Variants in HNRNPC observed in about 807,000 individuals in gnomAD.
The protein encoded by HNRNPC is heterogeneous nuclear ribonucleoproteins C1/C2.
In HNRNPC, 3 loss-of-function variants were observed where a neutral mutation model predicts 33.2. That is an observed-to-expected ratio of 0.09 (90% confidence interval 0.04 to 0.23). The LOEUF is 0.23. Ranked by LOEUF, HNRNPC falls within the 10% of genes least tolerant of loss-of-function variation. The probability of loss-of-function intolerance (pLI) is 1.00; values close to 1 mark genes in which losing one functional copy is unlikely to be tolerated. For synonymous variants in HNRNPC, 121 were observed against 126.7 expected, an observed-to-expected ratio of 0.96 and a Z score of 0.30; for missense variants, 143 against 366.7, an observed-to-expected ratio of 0.39 and a Z score of 4.98.
chr14:21,247,125 A>T (rs941696169), intron 2 of HNRNPC, among the ~76,000 whole-genome samples: 1 of 152,316 alleles, frequency 6.6e-6, no homozygotes, highest in Middle Eastern at 3.4e-3. Flanking sequence ...GTTAAGGGTC[A>T]ACTGTAAATA....
chr14:21,236,177 G>GA (rs758618669), intron 2 of HNRNPC, among the ~76,000 whole-genome samples: 5 of 152,042 alleles, frequency 3.3e-5, no homozygotes, highest in Non-Finnish European at 5.9e-5. Context: ...ATCCACAAAG[G>GA]AAAAACTCAG....
At chr14:21,250,472 G>C (rs1297178635) in intron 2 of HNRNPC, among the ~76,000 whole-genome samples, 1 of 152,032 alleles carries the variant, frequency 6.6e-6, no homozygotes, top group Non-Finnish European at 1.5e-5. Flanking sequence ...TGATTCACAA[G>C]GTATTTTGAA....
At chr14:21,216,529 G>A (rs548000526) in intron 5 of HNRNPC, among the ~76,000 whole-genome samples, 2 of 152,290 alleles carry the variant, frequency 1.3e-5, no homozygotes, top group African/African-American at 4.8e-5. Context: ...CCAACATGGT[G>A]AAACCCAGTG....
intron 5 of HNRNPC, among the ~76,000 whole-genome samples, chr14:21,214,239 G>T (rs1294307155): frequency 1.3e-5 from 2 of 152,126 alleles, no homozygotes; most frequent in East Asian, 3.8e-4. Flanking sequence ...TGATAGTCAA[G>T]AACTTTAAAA....
intron 5 of HNRNPC, among the ~76,000 whole-genome samples, chr14:21,229,650 C>T (rs1268521596): frequency 6.6e-6 from 1 of 152,294 alleles, no homozygotes; most frequent in Admixed American, 6.5e-5. Flanking sequence ...TCCTTTACAA[C>T]TCCCATGCAT....
At chr14:21,230,731 T>TA in intron 4 of HNRNPC, 1 of 506,054 alleles carries the variant, frequency 2.0e-6, no homozygotes, top group Non-Finnish European at 3.5e-6. Context: ...GGTTATGCTA[T>TA]AAATATCAAA....
At position 21,233,918 on chromosome 14, in the gene HNRNPC, C is replaced by A. The variant is rs200061111; in HGVS notation, c.241+35G>T. Reference sequence around the variant, plus strand: ...AAAAACGTGAATAGAAAAACTCAGGCCTGAATTACATCATCAATGAAAAAA... The same window carrying A: ...AAAAACGTGAATAGAAAAACTCAGGACTGAATTACATCATCAATGAAAAAA... On this transcript the variant is annotated intron_variant, in intron 3 of 8. Transcript: ENST00000553300. 3.1e-6 allele frequency: 5 copies of A among 1,601,492 alleles called. No individual in the cohort carries two copies. The East Asian group carries it at 8.9e-5, about 29-fold the overall frequency.
At chr14:21,224,316 T>C (rs1369810146) in intron 5 of HNRNPC, among the ~76,000 whole-genome samples, 1 of 152,196 alleles carries the variant, frequency 6.6e-6, no homozygotes, top group Non-Finnish European at 1.5e-5. Flanking sequence ...TGAATTTCAA[T>C]GGTTTCATTT....
intron 2 of HNRNPC, among the ~76,000 whole-genome samples, chr14:21,258,931 G>A (rs1438704218): frequency 6.6e-6 from 1 of 151,954 alleles, no homozygotes; most frequent in African/African-American, 2.4e-5. Context: ...TGCCCTACTT[G>A]CCCTCTTAGT....
At chr14:21,235,121 T>C (rs1389825808) in intron 2 of HNRNPC, among the ~76,000 whole-genome samples, 1 of 152,224 alleles carries the variant, frequency 6.6e-6, no homozygotes, top group African/African-American at 2.4e-5. Context: ...ACCATAACCA[T>C]ATGCAGATTC....
chr14:21,249,135 C>A (rs1315213007), intron 2 of HNRNPC, among the ~76,000 whole-genome samples: 1 of 152,072 alleles, frequency 6.6e-6, no homozygotes, highest in African/African-American at 2.4e-5. Flanking sequence ...TGTAATTTTT[C>A]CTTCTGCAAA....
At chr14:21,257,472 G>A (rs1020829945) in intron 2 of HNRNPC, among the ~76,000 whole-genome samples, 5 of 151,766 alleles carry the variant, frequency 3.3e-5, no homozygotes, top group African/African-American at 1.2e-4. Flanking sequence ...GGACCCCTGG[G>A]CTTAGTTAAT....
chr14:21,251,663 C>G (rs1896693991), intron 2 of HNRNPC, among the ~76,000 whole-genome samples: 1 of 151,852 alleles, frequency 6.6e-6, no homozygotes, highest in Non-Finnish European at 1.5e-5. Context: ...GCCTGGGCAA[C>G]AGAGACTCCG....
At chr14:21,268,257 G>A (rs1182954953) in intron 1 of HNRNPC, among the ~76,000 whole-genome samples, 1 of 152,128 alleles carries the variant, frequency 6.6e-6, no homozygotes, top group Non-Finnish European at 1.5e-5. Flanking sequence ...ATATAACGTA[G>A]CTGTGAATTT....
intron 2 of HNRNPC, among the ~76,000 whole-genome samples, chr14:21,247,776 C>G (rs1219882945): frequency 1.3e-5 from 2 of 150,596 alleles, no homozygotes; most frequent in African/African-American, 4.9e-5. Context: ...ATGGTGAAAC[C>G]CCATCTCTAC....
Position 21,223,736 on chromosome 14 carries a change from A to C in HNRNPC, c.365+6583T>G, listed in dbSNP as rs1320569138. 2.0e-5 allele frequency among the ~76,000 whole-genome samples: 3 copies of C among 152,216 alleles called. No homozygotes were observed. The East Asian group carries it at 5.8e-4, about 29-fold the overall frequency. ...GCACTCGAGCCTGGGCAAGAGAGCC[A>C]CATCAGGTCTCAAAAAACAAAAAAC... On this transcript the variant is annotated intron_variant, in intron 5 of 8. Transcript: ENST00000553300.
At chr14:21,236,965 T>TG (rs1894762181) in intron 2 of HNRNPC, among the ~76,000 whole-genome samples, 1 of 152,110 alleles carries the variant, frequency 6.6e-6, no homozygotes, top group Admixed American at 6.5e-5. Context: ...GTAAGCAACT[T>TG]GGAGAATAAT....
At chr14:21,265,917 C>G (rs1307661000) in intron 1 of HNRNPC, among the ~76,000 whole-genome samples, 1 of 152,226 alleles carries the variant, frequency 6.6e-6, no homozygotes, top group East Asian at 1.9e-4. Context: ...GCATGAGCAT[C>G]ATCACCTGGA....
chr14:21,249,331 C>G (rs928665418), intron 2 of HNRNPC, among the ~76,000 whole-genome samples: 2 of 151,276 alleles, frequency 1.3e-5, no homozygotes, highest in Non-Finnish European at 2.9e-5. Flanking sequence ...TGCCAGCACT[C>G]TGGGAGGCCG....
Sources: gnomAD v4.1 joint callset for allele counts (sites outside exome capture counted in the v4.1 genomes callset) on GRCh38, gnomAD v4.1.1 for gene constraint, MANE v1.5 for transcripts, NCBI Gene and HGNC (gene_info 2026-07-23, HGNC 2026-07-21) for gene names.